The following RTCA variants were observed in gnomAD, a reference collection of about 807,000 sequenced individuals.
The protein encoded by RTCA is RNA 3'-terminal phosphate cyclase.
In RTCA, 37 loss-of-function variants were observed where a neutral mutation model predicts 46.1. The observed-to-expected ratio is 0.80, with a 90% CI of 0.62 to 1.06. The LOEUF (loss-of-function observed/expected upper bound fraction) is 1.06. RTCA is among the 50% of genes least tolerant of loss of function. The pLI, the probability that RTCA is intolerant of heterozygous loss-of-function variation, is 0.00. For missense variants in RTCA, 435 were observed against 455.5 expected (o/e 0.95, Z 0.41); for synonymous variants, 164 against 158.3 (o/e 1.04, Z -0.27).
chr1:100,285,592 T>A (rs969853220), intron 9 of RTCA, among the ~76,000 whole-genome samples: 1 of 152,188 alleles, frequency 6.6e-6, no homozygotes, highest in Non-Finnish European at 1.5e-5. Flanking sequence ...CCTATCTCAC[T>A]GGCCATACAT....
At chr1:100,273,208 C>T (rs1359512460) in intron 4 of RTCA, among the ~76,000 whole-genome samples, 186 bp from the exon 5 acceptor site, 2 of 152,026 alleles carry the variant, frequency 1.3e-5, no homozygotes, top group African/African-American at 4.8e-5. Context: ...AAATGTCAAA[C>T]TTTTAAATTT....
chr1:100,271,373 C>T (rs1029618748), intron 4 of RTCA, among the ~76,000 whole-genome samples: 2 of 152,026 alleles, frequency 1.3e-5, no homozygotes, highest in Non-Finnish European at 2.9e-5. Context: ...ACTCAGGAGG[C>T]TGAGGTGGGA....
chr1:100,290,317 G>T (rs1055257744), intron 10 of RTCA, among the ~76,000 whole-genome samples: 3 of 151,480 alleles, frequency 2.0e-5, no homozygotes, highest in Non-Finnish European at 4.4e-5. Context: ...TTCCTGTGTT[G>T]CCCAGGCCAG....
In RTCA at chr1:100,276,617, C is replaced by T. The variant is rs551269558; in HGVS notation, c.741-641C>T. 3.5e-4 allele frequency among the ~76,000 whole-genome samples: 54 copies of T among 152,250 alleles called. 1 individual carries two copies. The highest frequency in any genetic ancestry group is 1.4e-3 in the Admixed American group (21 of 15,304). On this transcript the variant is annotated intron_variant, in intron 7 of 10. Coordinates refer to ENST00000370128, the MANE Select transcript of RTCA (RefSeq NM_003729.4). ...ACTTGAACCTGGGAGGCGGATGTTG[C>T]AGTGAGCTGAGATCACACCACTGCA...
At chr1:100,266,485 G>A in intron 1 of RTCA, 39 bp from the exon 2 acceptor site, 2 of 1,608,978 alleles carry the variant, frequency 1.2e-6, no homozygotes, top group South Asian at 1.1e-5. Flanking sequence ...CACCACCGGT[G>A]TGCTTACTTC....
intron 3 of RTCA, 135 bp from the exon 4 acceptor site, chr1:100,270,422 C>G: frequency 9.9e-7 from 1 of 1,013,518 alleles, no homozygotes; most frequent in African/African-American, 1.6e-5. Context: ...ACTAGAAACT[C>G]AATGGCATAT....
At chr1:100,272,531 A>C (rs1013502724) in intron 4 of RTCA, among the ~76,000 whole-genome samples, 4 of 152,172 alleles carry the variant, frequency 2.6e-5, no homozygotes, top group Admixed American at 1.3e-4. Context: ...TTAAAAAAAA[A>C]CACAAAACAA....
chr1:100,277,258 A>C lies in RTCA; in HGVS notation c.741A>C (p.Ile247=). Residue 247 remains isoleucine, a splice_region_variant and synonymous_variant, in exon 8 of 11, where the codon ATA becomes ATC. Coordinates refer to ENST00000370128, the MANE Select transcript of RTCA (RefSeq NM_003729.4). The part of the protein sequence containing the change: ...DQAFGNGNGI[I]IIAETSTGCL... The stretch of plus-strand genomic sequence containing the variant: ...AGTAATAACTTTTTTTCTTGCATAG[A>C]ATTATTGCTGAGACCTCCACTGGCT... 1.2e-6 allele frequency: 2 copies of C among 1,613,104 alleles called. No homozygotes were observed. Among genetic ancestry groups the C allele is most frequent in the Non-Finnish European group, 1.7e-6 (2 of 1,179,596 alleles).
chr1:100,270,785 C>CTCTT, intron 4 of RTCA, 105 bp downstream of exon 4: 1 of 1,315,620 alleles, frequency 7.6e-7, no homozygotes. Context: ...TCTTGTTTAT[C>CTCTT]TCTTCATGGT....
chr1:100,282,960 C>T (rs563928390), intron 8 of RTCA, among the ~76,000 whole-genome samples: 2 of 152,162 alleles, frequency 1.3e-5, no homozygotes, highest in South Asian at 4.1e-4. Flanking sequence ...GTGTGCGCCA[C>T]CATGCCTGGC....
intron 6 of RTCA, 34 bp downstream of exon 6, chr1:100,274,999 T>C: frequency 6.5e-7 from 1 of 1,539,182 alleles, no homozygotes; most frequent in Non-Finnish European, 8.8e-7. Flanking sequence ...AAATAAAATA[T>C]ATGTGTGTCT....
chr1:100,267,310 GA>G (rs1449418698), intron 2 of RTCA: 11 of 500,396 alleles, frequency 2.2e-5, no homozygotes, highest in Non-Finnish European at 2.9e-5. Context: ...CTACAGTTTT[GA>G]AATTACCAAA....
chr1:100,280,597 T>G (rs576473404), intron 8 of RTCA, among the ~76,000 whole-genome samples: 4 of 152,306 alleles, frequency 2.6e-5, no homozygotes, highest in Non-Finnish European at 5.9e-5. Flanking sequence ...CAAAAGTAAC[T>G]TGTGGTCTTC....
At chr1:100,274,300 C>A (rs1666255382) in intron 5 of RTCA, among the ~76,000 whole-genome samples, 1 of 152,106 alleles carries the variant, frequency 6.6e-6, no homozygotes, top group Non-Finnish European at 1.5e-5. Flanking sequence ...ATAAATGACA[C>A]CAATTAATTG....
intron 3 of RTCA, 37 bp downstream of exon 3, chr1:100,268,332 G>T (rs1377998668): frequency 1.3e-6 from 2 of 1,524,230 alleles, no homozygotes; most frequent in Non-Finnish European, 1.8e-6. Flanking sequence ...AGTAACCTGG[G>T]TTTAAGTCCA....
intron 4 of RTCA, among the ~76,000 whole-genome samples, chr1:100,271,827 C>A (rs1666113819): frequency 1.3e-5 from 2 of 152,154 alleles, no homozygotes; most frequent in Admixed American, 1.3e-4. Context: ...TAAAAAATTC[C>A]CTTATACGTT....
Position 100,273,449 on chromosome 1 carries a change from C to T in RTCA, c.470C>T (p.Thr157Ile). 3 of 1,569,162 alleles carry T rather than the reference C, an allele frequency of 1.9e-6. No individual in the cohort carries two copies. The South Asian group carries it at 3.5e-5, about 19-fold the overall frequency. The change falls in exon 5 of 11, where the codon ACA becomes ATA. Residue 157 changes from threonine to isoleucine, a missense_variant. Coordinates refer to ENST00000370128, the MANE Select transcript of RTCA (RefSeq NM_003729.4). ...TTCATATTTAATTGTGACATTAAAACAAGGTAAGTTGCTTGTTTCTTAAAT... is the reference window on the plus strand; with the variant it reads ...TTCATATTTAATTGTGACATTAAAATAAGGTAAGTTGCTTGTTTCTTAAAT... Reference protein sequence around the residue: ...FGFIFNCDIKTRGYYPKGGGE... With the variant: ...FGFIFNCDIKIRGYYPKGGGE...
intron 10 of RTCA, among the ~76,000 whole-genome samples, chr1:100,289,865 A>G (rs1269249572): frequency 2.0e-5 from 3 of 152,216 alleles, no homozygotes. Context: ...AATCAGACTT[A>G]AGCTAGATAG....
intron 8 of RTCA, among the ~76,000 whole-genome samples, chr1:100,283,401 A>G (rs1315509830): frequency 6.6e-6 from 1 of 151,930 alleles, no homozygotes; most frequent in Non-Finnish European, 1.5e-5. Flanking sequence ...ATCTCAAGTG[A>G]TCTGCCCGCC....
Sources: gnomAD v4.1 joint callset for allele counts (sites outside exome capture counted in the v4.1 genomes callset) on GRCh38, gnomAD v4.1.1 for gene constraint, MANE v1.5 for transcripts, NCBI Gene and HGNC (gene_info 2026-07-23, HGNC 2026-07-21) for gene names.